The following PUS10 variants were observed in gnomAD, a reference collection of about 807,000 sequenced individuals.
PUS10 encodes the protein pseudouridine synthase 10, also known as tRNA pseudouridine synthase Pus10.
In PUS10, 59 loss-of-function variants were observed where a neutral mutation model predicts 75.0. The observed-to-expected ratio is 0.79, with a 90% CI of 0.64 to 0.98. The LOEUF (loss-of-function observed/expected upper bound fraction) is 0.98, where lower values mean the gene tolerates loss of function less well. Ranked by LOEUF, PUS10 falls within the 50% of genes least tolerant of loss-of-function variation. PUS10 has a pLI of 0.00. For missense variants in PUS10, 650 were observed against 614.4 expected, an observed-to-expected ratio of 1.06 and a Z score of -0.61; for synonymous variants, 219 against 211.6, an observed-to-expected ratio of 1.03 and a Z score of -0.30.
Position 60,965,085 on chromosome 2 carries a change from A to T in PUS10, c.696T>A (p.Asp232Glu). 1 of 1,613,728 alleles carries T rather than the reference A, an allele frequency of 6.2e-7. No individual in the cohort carries two copies. The highest frequency in any genetic ancestry group is 8.5e-7 in the Non-Finnish European group (1 of 1,179,712). ...GTTTGTTTTTGGCTGGCTTAAAACA[A>T]TCTGGGCATATCGCAGCTCTAAAAT... ...DCHFLAAICP[D>E]CFKPAKNKQS... Residue 232 changes from aspartate to glutamate, a missense_variant, in exon 8 of 18, where the codon GAT (aspartate) becomes GAA (glutamate). Transcript: ENST00000316752.
chr2:61,005,734 T>A (rs534201908), intron 4 of PUS10, among the ~76,000 whole-genome samples: 146 of 152,348 alleles, frequency 9.6e-4, no homozygotes, highest in Non-Finnish European at 1.3e-3. Context: ...GCAACACAGA[T>A]ACTATATAAA....
intron 4 of PUS10, among the ~76,000 whole-genome samples, chr2:60,985,938 C>CA (rs59173202): frequency 5.8e-3 from 471 of 81,838 alleles, no homozygotes; most frequent in East Asian, 0.014. Flanking sequence ...CAGACTTCAC[C>CA]AAAAAAAAAA....
intron 8 of PUS10, among the ~76,000 whole-genome samples, chr2:60,964,393 TAA>T (rs1337417058): frequency 1.3e-5 from 2 of 152,214 alleles, no homozygotes; most frequent in South Asian, 2.1e-4. Context: ...TAGGAATGCC[TAA>T]GTCTACGTAC....
At chr2:61,004,663 A>G (rs1297305401) in intron 4 of PUS10, among the ~76,000 whole-genome samples, 2 of 151,446 alleles carry the variant, frequency 1.3e-5, no homozygotes, top group Non-Finnish European at 2.9e-5. Context: ...AGAAAGTAAC[A>G]TAAAAACAGC....
intron 15 of PUS10, among the ~76,000 whole-genome samples, chr2:60,951,789 C>T (rs973797017): frequency 1.3e-5 from 2 of 152,160 alleles, no homozygotes; most frequent in Admixed American, 6.6e-5. Context: ...ACATATCATC[C>T]TCTATAGAGT....
chr2:60,946,843 A>AAT (rs150565802), intron 16 of PUS10, among the ~76,000 whole-genome samples: 96,600 of 149,932 alleles, frequency 0.64, 32,197 homozygotes, highest in Middle Eastern at 0.8. Context: ...GTGTGTGTGT[A>AAT]ATATATATAT....
chr2:60,959,680 C>T (rs182397651), intron 11 of PUS10, among the ~76,000 whole-genome samples: 1 of 152,280 alleles, frequency 6.6e-6, no homozygotes, highest in Admixed American at 6.5e-5. Flanking sequence ...CGCACCACTG[C>T]ACTCGGCAGA....
In PUS10 at chr2:60,965,102, C is replaced by T. The variant is rs1250599074; in HGVS notation, c.679G>A (p.Ala227Thr). The part of the protein sequence containing the change: ...PETVEDCHFL[A>T]AICPDCFKPA... ...TTAAAACAATCTGGGCATATCGCAG[C>T]TCTAAAATAAAATTCAAGTTAATAT... The change falls in exon 8 of 18, where the codon GCT (alanine) becomes ACT (threonine). Residue 227 changes from alanine (A) to threonine (T), a missense_variant and splice_region_variant. Physicochemically the swap from Ala to Thr is moderately conservative, Grantham distance 58. Coordinates refer to ENST00000316752, the MANE Select transcript of PUS10 (RefSeq NM_144709.4). 2 of 1,613,040 alleles carry T rather than the reference C, an allele frequency of 1.2e-6. No homozygotes were observed. The highest frequency in any genetic ancestry group is 1.7e-6 in the Non-Finnish European group (2 of 1,179,318).
chr2:61,001,062 G>A (rs1678820027), intron 4 of PUS10, among the ~76,000 whole-genome samples: 1 of 152,090 alleles, frequency 6.6e-6, no homozygotes. Context: ...CGACATAAAG[G>A]ACAGAAGCAA....
At chr2:60,972,313 C>CA (rs1382834795) in intron 4 of PUS10, among the ~76,000 whole-genome samples, 2 of 150,620 alleles carry the variant, frequency 1.3e-5, no homozygotes, top group Non-Finnish European at 1.5e-5. Context: ...AAAAAAAGTA[C>CA]AAAAAAATTA....
chr2:60,972,991 G>A (rs1481204535), intron 4 of PUS10, among the ~76,000 whole-genome samples: 1 of 152,218 alleles, frequency 6.6e-6, no homozygotes, highest in Non-Finnish European at 1.5e-5. Context: ...AGGTGTGGGC[G>A]GTGGCGGCAG....
chr2:60,974,803 T>G (rs1676931236), intron 4 of PUS10, among the ~76,000 whole-genome samples: 1 of 152,228 alleles, frequency 6.6e-6, no homozygotes, highest in South Asian at 2.1e-4. Flanking sequence ...CTGGACCCCA[T>G]GCTCACTCAC....
At position 60,965,496 on chromosome 2, in the gene PUS10, A is replaced by C; in HGVS notation, c.616-12T>G. 1.3e-6 allele frequency: 2 copies of C among 1,590,712 alleles called. No individual in the cohort carries two copies. The stretch of plus-strand genomic sequence containing the variant: ...ACTTCAAACAAGCTCTAAAAATTAT[A>C]AAGACAGTTTAAAAATGAGCAAAAG... On this transcript the variant is annotated splice_polypyrimidine_tract_variant and intron_variant, in intron 6 of 17. Coordinates refer to ENST00000316752, the MANE Select transcript of PUS10 (RefSeq NM_144709.4).
In PUS10 at chr2:60,941,442, C is replaced by T. The variant is rs1674622435; in HGVS notation, c.*953G>A. 1 of 152,222 alleles carries T rather than the reference C, an allele frequency of 6.6e-6. No homozygotes were observed. The highest frequency in any genetic ancestry group is 1.5e-5 in the Non-Finnish European group (1 of 67,980). 9.4% of individuals were successfully genotyped at this position (152,222 alleles called of 1,614,324 possible). A position where few individuals can be genotyped will look rare whatever the true frequency, so the allele number is the denominator to read the frequency against. On this transcript the variant is annotated 3_prime_UTR_variant, in exon 18 of 18. Transcript: ENST00000316752. Reference sequence around the variant, plus strand: ...ACCAAGAAACTTCAGTTCTAGTCCTCAATATAGAAGTAGCTAACAATTTTG... The same window carrying T: ...ACCAAGAAACTTCAGTTCTAGTCCTTAATATAGAAGTAGCTAACAATTTTG...
intron 1 of PUS10, among the ~76,000 whole-genome samples, chr2:61,016,090 A>G (rs928895739): frequency 9.2e-5 from 14 of 152,260 alleles, no homozygotes; most frequent in Non-Finnish European, 1.8e-4. Context: ...CATGGCTAGA[A>G]GACAATGTTT....
intron 5 of PUS10, among the ~76,000 whole-genome samples, chr2:60,968,528 C>T (rs1676476734): frequency 1.3e-5 from 2 of 152,030 alleles, no homozygotes; most frequent in African/African-American, 2.4e-5. Context: ...TAGGCAACAT[C>T]CATTGTAATT....
intron 4 of PUS10, among the ~76,000 whole-genome samples, chr2:60,993,587 C>A (rs905955855): frequency 6.6e-6 from 1 of 152,062 alleles, no homozygotes; most frequent in Non-Finnish European, 1.5e-5. Context: ...AGACAAAATT[C>A]CCAGCTAAAC....
intron 14 of PUS10, among the ~76,000 whole-genome samples, chr2:60,953,478 A>G (rs1021094885): frequency 6.6e-6 from 1 of 152,182 alleles, no homozygotes; most frequent in African/African-American, 2.4e-5. Flanking sequence ...TTCATTTCAT[A>G]ATGTTTTCAA....
chr2:60,967,531 C>T lies in PUS10; in HGVS notation c.586G>A (p.Glu196Lys), dbSNP rs576123297. Residue 196 changes from glutamate (E) to lysine (K), a missense_variant, in exon 6 of 18, where the codon GAG (glutamate) becomes AAG (lysine). Transcript: ENST00000316752. ...YKWITHPLFS[E>K]ELGVPIDGKS... Reference sequence around the variant, plus strand: ...CCATCAATGGGAACACCCAGTTCCTCTGAAAACAGGGGGTGAGTTATCCAT... The same window carrying T: ...CCATCAATGGGAACACCCAGTTCCTTTGAAAACAGGGGGTGAGTTATCCAT... 1.6e-5 allele frequency: 25 copies of T among 1,607,824 alleles called. No homozygotes were observed. The South Asian group carries it at 2.7e-4, about 17-fold the overall frequency.
Sources: allele counts gnomAD v4.1 joint callset (sites outside exome capture counted in the v4.1 genomes callset), GRCh38; gene constraint gnomAD v4.1.1; transcripts MANE v1.5; gene names NCBI Gene and HGNC (gene_info 2026-07-23, HGNC 2026-07-21).